The following RABGAP1 variants were observed in gnomAD, a reference collection of about 807,000 sequenced individuals.
The protein encoded by RABGAP1 is rab GTPase-activating protein 1.
RABGAP1 carries 23 observed loss-of-function variants against 137.6 expected under a neutral mutation model. That is an observed-to-expected ratio of 0.17 (90% confidence interval 0.12 to 0.24). The LOEUF is 0.24. Ranked by LOEUF, RABGAP1 falls within the 10% of genes least tolerant of loss-of-function variation. The pLI is 1.00. For missense variants in RABGAP1, 906 were observed against 1,275.8 expected, an observed-to-expected ratio of 0.71 and a Z score of 4.42; for synonymous variants, 451 against 450.7, an observed-to-expected ratio of 1.00 and a Z score of -0.01.
chr9:123,038,341 C>T (rs2032778030), intron 13 of RABGAP1, among the ~76,000 whole-genome samples: 1 of 152,010 alleles, frequency 6.6e-6, no homozygotes, highest in Non-Finnish European at 1.5e-5. Context: ...ATAATGGTCT[C>T]AGTATTTTAA....
the RABGAP1 span, among the ~76,000 whole-genome samples, chr9:122,932,540 T>A: frequency 6.6e-6 from 1 of 152,190 alleles, no homozygotes; most frequent in East Asian, 1.9e-4. Flanking sequence ...TTTTTTTTCT[T>A]TTTTTTGAGA....
intron 21 of RABGAP1, among the ~76,000 whole-genome samples, chr9:123,091,664 G>A (rs780844147): frequency 9.9e-5 from 15 of 151,954 alleles, no homozygotes; most frequent in South Asian, 2.1e-4. Flanking sequence ...CATTGTTAGC[G>A]CCCTCTGCTT....
intron 13 of RABGAP1, among the ~76,000 whole-genome samples, chr9:123,038,074 A>G (rs565987902): frequency 3.3e-5 from 5 of 152,278 alleles, no homozygotes; most frequent in East Asian, 1.9e-4. Flanking sequence ...TTTGTAAACT[A>G]GTTGTATTTT....
chr9:122,945,050 T>G (rs148847675), intron 1 of RABGAP1, among the ~76,000 whole-genome samples: 1 of 151,856 alleles, frequency 6.6e-6, no homozygotes, highest in East Asian at 1.9e-4. Flanking sequence ...TTTACTGAGT[T>G]TACATAGTTA....
At chr9:122,944,318 C>T (rs1031826931) in intron 1 of RABGAP1, among the ~76,000 whole-genome samples, 1 of 151,004 alleles carries the variant, frequency 6.6e-6, no homozygotes, top group Non-Finnish European at 1.5e-5. Flanking sequence ...CAACCTTGAA[C>T]TTCTGGGCAC....
intron 19 of RABGAP1, among the ~76,000 whole-genome samples, chr9:123,084,163 A>T (rs1372391767): frequency 6.6e-6 from 1 of 152,242 alleles, no homozygotes; most frequent in Non-Finnish European, 1.5e-5. Flanking sequence ...TGCTCTACTC[A>T]TCTCAATAAG....
At chr9:122,951,159 G>GA (rs759246473) in intron 1 of RABGAP1, among the ~76,000 whole-genome samples, 31 of 152,130 alleles carry the variant, frequency 2.0e-4, no homozygotes, top group Non-Finnish European at 3.8e-4. Context: ...CTTTCAAGAA[G>GA]AAAATCTCAA....
At chr9:122,957,352 C>T (rs949228289) in intron 2 of RABGAP1, 143 bp downstream of exon 2, 2 of 660,840 alleles carry the variant, frequency 3.0e-6, no homozygotes, top group African/African-American at 1.8e-5. Context: ...TTTATTTGCA[C>T]TTAGTGAGAA....
intron 19 of RABGAP1, among the ~76,000 whole-genome samples, chr9:123,083,780 G>T (rs1449437922): frequency 6.6e-6 from 1 of 152,168 alleles, no homozygotes; most frequent in Non-Finnish European, 1.5e-5. Context: ...GGTTAACATC[G>T]CAGGGTTGTG....
At chr9:123,054,910 A>AC (rs2033630017) in intron 13 of RABGAP1, among the ~76,000 whole-genome samples, 2 of 152,144 alleles carry the variant, frequency 1.3e-5, no homozygotes, top group Non-Finnish European at 1.5e-5. Context: ...TGTCAGCGTG[A>AC]CATCAGTGTT....
chr9:123,085,341 T>C (rs1305677044), intron 19 of RABGAP1, among the ~76,000 whole-genome samples: 1 of 152,176 alleles, frequency 6.6e-6, no homozygotes, highest in African/African-American at 2.4e-5. Context: ...GTGCATTCTT[T>C]ATTGGAGAGG....
intron 11 of RABGAP1, among the ~76,000 whole-genome samples, chr9:123,012,563 A>AC (rs1414080363): frequency 6.6e-6 from 1 of 152,216 alleles, no homozygotes; most frequent in Non-Finnish European, 1.5e-5. Flanking sequence ...ATAAAATTTT[A>AC]GGGGGTTCAG....
intron 2 of RABGAP1, among the ~76,000 whole-genome samples, chr9:122,967,291 AGTG>A (rs961006856): frequency 1.3e-5 from 2 of 152,342 alleles, no homozygotes; most frequent in African/African-American, 2.4e-5. Flanking sequence ...ATCAGAAAGA[AGTG>A]GAAATAAATA....
chr9:123,043,642 G>C (rs1027152722), intron 13 of RABGAP1, among the ~76,000 whole-genome samples: 1 of 151,824 alleles, frequency 6.6e-6, no homozygotes. Context: ...TGGGGGGTGA[G>C]GGGAAGGAGG....
intron 21 of RABGAP1, among the ~76,000 whole-genome samples, chr9:123,091,411 A>G (rs1313626810): frequency 1.3e-5 from 2 of 152,204 alleles, no homozygotes; most frequent in Non-Finnish European, 2.9e-5. Context: ...TCTCCTAGGT[A>G]GAAAGACTAT....
intron 13 of RABGAP1, chr9:123,035,828 A>G (rs1269752798): frequency 2.1e-6 from 1 of 481,928 alleles, no homozygotes; most frequent in Non-Finnish European, 3.6e-6. Context: ...TAGAAGACTC[A>G]AGATCATGAA....
intron 2 of RABGAP1, among the ~76,000 whole-genome samples, chr9:122,981,215 A>G (rs554978229): frequency 2.5e-4 from 38 of 152,130 alleles, no homozygotes; most frequent in African/African-American, 8.9e-4. Context: ...TAGTAGAGAC[A>G]GGGTTGCACC....
chr9:122,947,883 A>G (rs1319169451), intron 1 of RABGAP1, among the ~76,000 whole-genome samples: 5 of 152,240 alleles, frequency 3.3e-5, no homozygotes, highest in South Asian at 2.1e-4. Context: ...AAAGACATCT[A>G]TTGTTTAGCA....
At chr9:123,010,549 A>G (rs1479761239) in intron 11 of RABGAP1, 21 bp downstream of exon 11, 10 of 1,599,294 alleles carry the variant, frequency 6.3e-6, no homozygotes, top group African/African-American at 1.3e-5. Flanking sequence ...GGGATAGCTT[A>G]ATTTATTTTT....
Sources: gnomAD v4.1 joint callset for allele counts (sites outside exome capture counted in the v4.1 genomes callset) on GRCh38, gnomAD v4.1.1 for gene constraint, MANE v1.5 for transcripts, NCBI Gene and HGNC (gene_info 2026-07-23, HGNC 2026-07-21) for gene names.